The following BMPR1B variants were observed in gnomAD, a reference collection of about 807,000 sequenced individuals.
BMPR1B encodes bone morphogenetic protein receptor type 1B, also known as bone morphogenetic protein receptor type-1B.
Under a neutral mutation model 59.1 loss-of-function variants are expected in BMPR1B, and 12 were observed. The ratio of observed to expected loss-of-function variants is 0.20; its 90% CI spans 0.13 to 0.33. BMPR1B has a LOEUF of 0.33. Among genes scored for constraint, BMPR1B ranks in the 10% least tolerant of loss-of-function variants. The probability of loss-of-function intolerance (pLI) is 1.00; values close to 1 mark genes in which losing one functional copy is unlikely to be tolerated. For synonymous variants in BMPR1B, 237 were observed against 207.3 expected (o/e 1.14, Z -1.23); for missense variants, 550 against 610.9 (o/e 0.90, Z 1.05).
At chr4:95,118,153 C>G (rs1398517567) in intron 6 of BMPR1B, among the ~76,000 whole-genome samples, 1 of 152,158 alleles carries the variant, frequency 6.6e-6, no homozygotes, top group Non-Finnish European at 1.5e-5. Flanking sequence ...TTTGCCAGTG[C>G]CTAGGCAAGG....
At chr4:95,060,644 C>T (rs754506368) in intron 3 of BMPR1B, among the ~76,000 whole-genome samples, 10 of 152,234 alleles carry the variant, frequency 6.6e-5, no homozygotes, top group African/African-American at 1.7e-4. Context: ...ACCTATGAAG[C>T]GCCTGGAAAT....
At chr4:94,966,927 A>G (rs1578860082) in intron 2 of BMPR1B, among the ~76,000 whole-genome samples, 1 of 152,280 alleles carries the variant, frequency 6.6e-6, no homozygotes, top group Admixed American at 6.5e-5. Flanking sequence ...TAGGGAACAA[A>G]TTCTGGAAGT....
At chr4:94,938,073 A>T (rs1279706121) in intron 2 of BMPR1B, among the ~76,000 whole-genome samples, 1 of 152,194 alleles carries the variant, frequency 6.6e-6, no homozygotes, top group Non-Finnish European at 1.5e-5. Flanking sequence ...CATTGTGCTG[A>T]TTCTATCTGG....
At chr4:94,890,765 G>T (rs1541370) in intron 2 of BMPR1B, among the ~76,000 whole-genome samples, 7,452 of 151,948 alleles carry the variant, frequency 0.049, 449 homozygotes, top group African/African-American at 0.14. Context: ...CTCTCTGGTG[G>T]CTCTTCTTGT....
intron 1 of BMPR1B, among the ~76,000 whole-genome samples, chr4:94,807,169 A>G (rs2110632209): frequency 6.6e-6 from 1 of 152,238 alleles, no homozygotes; most frequent in East Asian, 1.9e-4. Context: ...ATCTCTGCTC[A>G]CTGCAATCTC....
At chr4:95,045,600 T>A (rs1451467748) in intron 3 of BMPR1B, among the ~76,000 whole-genome samples, 1 of 152,236 alleles carries the variant, frequency 6.6e-6, no homozygotes, top group Non-Finnish European at 1.5e-5. Context: ...AGTGAATTCC[T>A]ACTTATCTTT....
At chr4:94,890,488 G>C (rs1410285021) in intron 2 of BMPR1B, among the ~76,000 whole-genome samples, 1 of 152,096 alleles carries the variant, frequency 6.6e-6, no homozygotes, top group African/African-American at 2.4e-5. Flanking sequence ...TAAATTACAT[G>C]AGTGTAATTA....
intron 1 of BMPR1B, among the ~76,000 whole-genome samples, chr4:94,798,761 G>A (rs1278641466): frequency 6.6e-6 from 1 of 152,052 alleles, no homozygotes; most frequent in Non-Finnish European, 1.5e-5. Context: ...ATTGAGAGTT[G>A]CAGAATGTTA....
chr4:95,085,989 C>CTGTGTGTGTGTGTG lies in BMPR1B; in HGVS notation c.-17-18409_-17-18396dup, dbSNP rs3068102. Among the ~76,000 whole-genome samples the CTGTGTGTGTGTGTG allele has an allele frequency of 1.5e-3, 219 of 149,832 alleles. 3 individuals carry two copies. The highest frequency in any genetic ancestry group is 6.8e-3 in the Middle Eastern group (2 of 294). On this transcript the variant is annotated intron_variant, in intron 3 of 12. Coordinates refer to ENST00000515059, the MANE Select transcript of BMPR1B (RefSeq NM_001203.3). ...TGTGGACATATTTGTGTGTGTGTAC[C>CTGTGTGTGTGTGTG]TGTGTGTGTGTGTGTGTGTGTGTAA...
intron 4 of BMPR1B, among the ~76,000 whole-genome samples, chr4:95,109,413 G>T (rs72672718): frequency 1.4e-4 from 21 of 151,884 alleles, no homozygotes; most frequent in Non-Finnish European, 1.5e-5. Flanking sequence ...TACAAAGTTT[G>T]TGTTAACTCA....
At chr4:95,039,815 A>G (rs557086305) in intron 3 of BMPR1B, among the ~76,000 whole-genome samples, 36 of 152,202 alleles carry the variant, frequency 2.4e-4, no homozygotes, top group African/African-American at 8.4e-4. Context: ...TGTATTTTCT[A>G]TTTGGCCCAA....
At chr4:95,042,013 C>T (rs564346495) in intron 3 of BMPR1B, among the ~76,000 whole-genome samples, 26 of 152,224 alleles carry the variant, frequency 1.7e-4, no homozygotes, top group Admixed American at 3.9e-4. Flanking sequence ...CCAGCCACCA[C>T]GCCCGGCTAA....
intron 3 of BMPR1B, among the ~76,000 whole-genome samples, chr4:95,089,004 T>C (rs944610095): frequency 6.6e-6 from 1 of 152,164 alleles, no homozygotes; most frequent in Admixed American, 6.6e-5. Context: ...TTTGTTCTTT[T>C]AGAATGTGGA....
rs534173106 is a variant in BMPR1B, at chr4:95,045,398, A to T, written c.-18+49264A>T. Among the ~76,000 whole-genome samples the T allele has an allele frequency of 4.3e-4, 65 of 152,244 alleles. 5 individuals carry two copies. The South Asian group carries it at 0.013, about 31-fold the overall frequency. On this transcript the variant is annotated intron_variant, in intron 3 of 12. Coordinates refer to ENST00000515059, the MANE Select transcript of BMPR1B (RefSeq NM_001203.3). ...ATTGCTTCCCATGTGTGTAGGATAA[A>T]ATCAAAACTTCTAATTATGGGCTAC...
At chr4:95,064,598 C>G (rs1727660185) in intron 3 of BMPR1B, among the ~76,000 whole-genome samples, 2 of 152,068 alleles carry the variant, frequency 1.3e-5, no homozygotes, top group Admixed American at 6.6e-5. Context: ...AAAAGACAGT[C>G]CACATAATGG....
intron 1 of BMPR1B, among the ~76,000 whole-genome samples, chr4:94,780,402 A>AT (rs1722543565): frequency 6.6e-6 from 1 of 152,176 alleles, no homozygotes; most frequent in Non-Finnish European, 1.5e-5. Context: ...GATAGACTAT[A>AT]TATTTATACA....
At chr4:94,817,827 C>T (rs1008292125) in intron 1 of BMPR1B, among the ~76,000 whole-genome samples, 3 of 152,146 alleles carry the variant, frequency 2.0e-5, no homozygotes, top group Non-Finnish European at 4.4e-5. Flanking sequence ...ACACTTTTCT[C>T]CTTTTCCAAC....
At chr4:94,934,135 A>G (rs1314870976) in intron 2 of BMPR1B, among the ~76,000 whole-genome samples, 1 of 152,152 alleles carries the variant, frequency 6.6e-6, no homozygotes, top group Non-Finnish European at 1.5e-5. Flanking sequence ...CATTTCAGTT[A>G]TTTGTAGCAT....
chr4:94,772,543 G>A (rs111862176), intron 1 of BMPR1B, among the ~76,000 whole-genome samples: 4 of 152,210 alleles, frequency 2.6e-5, no homozygotes, highest in African/African-American at 7.2e-5. Flanking sequence ...CTATCTGTGT[G>A]TTAAATGAAC....
Sources: gnomAD v4.1 joint callset for allele counts (sites outside exome capture counted in the v4.1 genomes callset) on GRCh38, gnomAD v4.1.1 for gene constraint, MANE v1.5 for transcripts, NCBI Gene and HGNC (gene_info 2026-07-23, HGNC 2026-07-21) for gene names.